Variants in CCSER1 observed in about 807,000 individuals in gnomAD.
CCSER1 encodes the protein serine-rich coiled-coil domain-containing protein 1.
A neutral mutation model predicts 82.0 loss-of-function variants in CCSER1; 41 were observed. The ratio of observed to expected loss-of-function variants is 0.50; its 90% CI spans 0.39 to 0.65. The LOEUF (loss-of-function observed/expected upper bound fraction) is 0.65, where lower values mean the gene tolerates loss of function less well. Ranked by LOEUF, CCSER1 falls within the 30% of genes least tolerant of loss-of-function variation. The probability of loss-of-function intolerance (pLI) is 0.00; values close to 1 mark genes in which losing one functional copy is unlikely to be tolerated. For missense variants in CCSER1, 1,119 were observed against 1,064.2 expected (o/e 1.05, Z -0.72); for synonymous variants, 414 against 383.9 (o/e 1.08, Z -0.92).
chr4:91,535,277 G>T (rs1045891618), intron 10 of CCSER1, among the ~76,000 whole-genome samples: 1 of 151,866 alleles, frequency 6.6e-6, no homozygotes, highest in African/African-American at 2.4e-5. Flanking sequence ...CATTAATAAA[G>T]TATGATATTT....
intron 10 of CCSER1, among the ~76,000 whole-genome samples, chr4:91,413,354 G>T (rs959657245): frequency 1.3e-5 from 2 of 152,102 alleles, no homozygotes; most frequent in African/African-American, 4.8e-5. Context: ...TAGCTACTCA[G>T]GAGGTGGTAG....
At chr4:90,395,590 A>G (rs1352688526) in intron 3 of CCSER1, among the ~76,000 whole-genome samples, 1 of 151,466 alleles carries the variant, frequency 6.6e-6, no homozygotes, top group Non-Finnish European at 1.5e-5. Context: ...AGAAGCTTCA[A>G]ACCCACCATA....
chr4:90,144,881 T>C (rs901618894), intron 1 of CCSER1, among the ~76,000 whole-genome samples: 7 of 152,150 alleles, frequency 4.6e-5, no homozygotes, highest in Non-Finnish European at 8.8e-5. Context: ...TTATCCACTA[T>C]TAATCTGTTA....
chr4:90,811,912 C>T (rs757464451), intron 7 of CCSER1, among the ~76,000 whole-genome samples: 39 of 15,424 alleles, frequency 2.5e-3, no homozygotes, highest in Middle Eastern at 0.034. Context: ...TATATATATA[C>T]ACACACACAC....
At chr4:90,567,900 C>T (rs570213269) in intron 5 of CCSER1, among the ~76,000 whole-genome samples, 1 of 152,266 alleles carries the variant, frequency 6.6e-6, no homozygotes, top group South Asian at 2.1e-4. Context: ...AGCCATTATT[C>T]CCCCCAACCT....
At chr4:90,535,455 A>G (rs557158104) in intron 5 of CCSER1, among the ~76,000 whole-genome samples, 60 of 152,268 alleles carry the variant, frequency 3.9e-4, no homozygotes, top group Non-Finnish European at 7.5e-4. Flanking sequence ...AAAAGGAATC[A>G]TTTTGTATTA....
At chr4:90,139,978 A>C (rs1253446874) in intron 1 of CCSER1, among the ~76,000 whole-genome samples, 2 of 152,164 alleles carry the variant, frequency 1.3e-5, no homozygotes, top group Non-Finnish European at 2.9e-5. Flanking sequence ...AGAAGTAAAT[A>C]AAAGTATGAA....
intron 10 of CCSER1, among the ~76,000 whole-genome samples, chr4:91,335,190 G>T (rs2149280891): frequency 6.6e-6 from 1 of 152,142 alleles, no homozygotes; most frequent in African/African-American, 2.4e-5. Context: ...AGTAAGGGAG[G>T]AAAAGGTTAG....
chr4:91,487,796 C>T (rs1337833360), intron 10 of CCSER1, among the ~76,000 whole-genome samples: 1 of 151,890 alleles, frequency 6.6e-6, no homozygotes, highest in Non-Finnish European at 1.5e-5. Flanking sequence ...ATACATTATA[C>T]ATAACATTCA....
intron 10 of CCSER1, among the ~76,000 whole-genome samples, chr4:91,244,118 T>C (rs539880612): frequency 6.6e-5 from 10 of 152,250 alleles, no homozygotes; most frequent in Admixed American, 3.9e-4. Flanking sequence ...ACATTTGTGG[T>C]GGCCTGGCAG....
At chr4:90,816,485 A>T (rs995662291) in intron 8 of CCSER1, among the ~76,000 whole-genome samples, 19 of 152,056 alleles carry the variant, frequency 1.2e-4, no homozygotes, top group African/African-American at 3.6e-4. Context: ...TTTTCTAAGT[A>T]TGTGTTTTCT....
chr4:91,361,857 T>G (rs1051701665), intron 10 of CCSER1, among the ~76,000 whole-genome samples: 6 of 151,818 alleles, frequency 4.0e-5, no homozygotes, highest in African/African-American at 1.5e-4. Flanking sequence ...CCCTATATTG[T>G]AAAAGTTGGC....
chr4:90,419,015 C>T (rs1756250085), intron 4 of CCSER1, among the ~76,000 whole-genome samples: 1 of 152,000 alleles, frequency 6.6e-6, no homozygotes, highest in Admixed American at 6.6e-5. Context: ...GTTATTTGTG[C>T]ATGATTACAG....
At chr4:90,188,580 A>G (rs1382333641) in intron 1 of CCSER1, among the ~76,000 whole-genome samples, 2 of 151,978 alleles carry the variant, frequency 1.3e-5, no homozygotes, top group Admixed American at 6.6e-5. Flanking sequence ...TACTAAATTT[A>G]CATACTAAGT....
At chr4:91,180,140 CAGTTGTTG>C (rs1295407251) in intron 10 of CCSER1, among the ~76,000 whole-genome samples, 1 of 152,198 alleles carries the variant, frequency 6.6e-6, no homozygotes, top group East Asian at 1.9e-4. Context: ...TGCAGAACAG[CAGTTGTTG>C]CTGCCTCATC....
chr4:91,320,793 G>A (rs1167127223), intron 10 of CCSER1, among the ~76,000 whole-genome samples: 1 of 151,908 alleles, frequency 6.6e-6, no homozygotes, highest in Non-Finnish European at 1.5e-5. Flanking sequence ...TCTTATCTCT[G>A]GTTCATCTTT....
At chr4:90,299,058 C>T (rs976784044) in intron 1 of CCSER1, among the ~76,000 whole-genome samples, 3 of 152,004 alleles carry the variant, frequency 2.0e-5, no homozygotes, top group Non-Finnish European at 2.9e-5. Flanking sequence ...ATCAAGATTA[C>T]GTATATAAAT....
intron 5 of CCSER1, among the ~76,000 whole-genome samples, chr4:90,497,299 G>A (rs1259779800): frequency 6.6e-6 from 1 of 152,032 alleles, no homozygotes; most frequent in Non-Finnish European, 1.5e-5. Context: ...ATACATATGA[G>A]TTTCAGTTAA....
At chr4:90,192,336 G>A (rs1259597829) in intron 1 of CCSER1, among the ~76,000 whole-genome samples, 5 of 151,982 alleles carry the variant, frequency 3.3e-5, no homozygotes, top group Non-Finnish European at 5.9e-5. Context: ...CCCACAACAC[G>A]TGGGAATTCA....
Sources: allele counts gnomAD v4.1 joint callset (sites outside exome capture counted in the v4.1 genomes callset), GRCh38; gene constraint gnomAD v4.1.1; transcripts MANE v1.5; gene names NCBI Gene and HGNC (gene_info 2026-07-23, HGNC 2026-07-21).